Variants in PRKCH observed in about 807,000 individuals in gnomAD.
PRKCH encodes protein kinase C eta type.
In PRKCH, 28 loss-of-function variants were observed where a neutral mutation model predicts 82.5. That is an observed-to-expected ratio of 0.34 (90% CI 0.25 to 0.47). PRKCH has a LOEUF of 0.47. PRKCH is among the 20% of genes least tolerant of loss of function. The pLI is 1.00. For synonymous variants in PRKCH, 322 were observed against 327.4 expected (o/e 0.98, Z 0.18); for missense variants, 705 against 881.8 (o/e 0.80, Z 2.54).
chr14:61,409,275 C>T (rs146445336), intron 2 of PRKCH, among the ~76,000 whole-genome samples: 69 of 152,224 alleles, frequency 4.5e-4, no homozygotes, highest in African/African-American at 1.6e-3. Context: ...TTCTACTCTC[C>T]AGGATAGCAT....
chr14:61,419,096 A>G (rs1173618902), intron 2 of PRKCH, among the ~76,000 whole-genome samples: 1 of 152,178 alleles, frequency 6.6e-6, no homozygotes, highest in East Asian at 1.9e-4. Flanking sequence ...CCTGTGTTTA[A>G]TAGAAATAAA....
Position 61,473,513 on chromosome 14 carries a change from A to AT in PRKCH, c.1279-11988dup, listed in dbSNP as rs1885595956. 2.0e-5 allele frequency among the ~76,000 whole-genome samples: 3 copies of AT among 152,218 alleles called. No individual in the cohort carries two copies. The South Asian group carries it at 6.2e-4, about 32-fold the overall frequency. On this transcript the variant is annotated intron_variant, in intron 9 of 13. Transcript: ENST00000332981. ...TCAAGGAAACACTAAAGAAGTAGAC[A>AT]TGATAGGACTTTTTAAGTGGGAATG...
At chr14:61,547,935 A>G (rs1385766945) in intron 13 of PRKCH, 49 bp downstream of exon 13, 1 of 1,593,556 alleles carries the variant, frequency 6.3e-7, no homozygotes. Flanking sequence ...CAGATGTCAC[A>G]GCATTCCACC....
chr14:61,450,543 G>A (rs1884456824), intron 5 of PRKCH, among the ~76,000 whole-genome samples: 2 of 152,180 alleles, frequency 1.3e-5, no homozygotes, highest in South Asian at 4.1e-4. Flanking sequence ...TAGGGGATTG[G>A]CAAGGAGAGA....
At chr14:61,208,376 A>G (rs1037753955) in intron 1 of PRKCH, among the ~76,000 whole-genome samples, 5 of 152,200 alleles carry the variant, frequency 3.3e-5, no homozygotes, top group African/African-American at 1.2e-4. Flanking sequence ...CTTCACATTC[A>G]GTCAGTTCTC....
At chr14:61,269,025 A>G (rs906426264) in intron 1 of PRKCH, among the ~76,000 whole-genome samples, 1 of 152,226 alleles carries the variant, frequency 6.6e-6, no homozygotes, top group Non-Finnish European at 1.5e-5. Context: ...CTATTTGGCA[A>G]AGACATTTGG....
intron 9 of PRKCH, among the ~76,000 whole-genome samples, chr14:61,480,121 G>A (rs781203324): frequency 9.2e-5 from 14 of 152,232 alleles, no homozygotes; most frequent in Non-Finnish European, 1.6e-4. Context: ...CTGTACAGAT[G>A]TGCAGGCTCA....
At chr14:61,518,349 A>C (rs780786283) in intron 10 of PRKCH, among the ~76,000 whole-genome samples, 31 of 152,026 alleles carry the variant, frequency 2.0e-4, no homozygotes, top group Non-Finnish European at 2.5e-4. Context: ...TAAAAGTACT[A>C]TCAGGAGCTG....
At chr14:61,378,034 C>G (rs1457012480) in intron 1 of PRKCH, among the ~76,000 whole-genome samples, 1 of 152,166 alleles carries the variant, frequency 6.6e-6, no homozygotes, top group East Asian at 1.9e-4. Flanking sequence ...TCCAATGACA[C>G]TGATCAAGTG....
At chr14:61,392,798 T>G (rs772819413) in intron 2 of PRKCH, among the ~76,000 whole-genome samples, 1 of 151,994 alleles carries the variant, frequency 6.6e-6, no homozygotes, top group Non-Finnish European at 1.5e-5. Context: ...TCTTCAGAGA[T>G]CTCTCTGTCA....
chr14:61,502,070 TTTTTTTTTTTTTC>T (rs762415187), intron 10 of PRKCH, among the ~76,000 whole-genome samples: 1,429 of 141,748 alleles, frequency 0.01, 30 homozygotes, highest in Middle Eastern at 0.028. Flanking sequence ...CTTTTCTTTT[TTTTTTTTTTTTTC>T]CGAGATGGAG....
chr14:61,259,475 G>A (rs772705653), intron 1 of PRKCH, among the ~76,000 whole-genome samples: 2 of 152,268 alleles, frequency 1.3e-5, no homozygotes, highest in African/African-American at 2.4e-5. Context: ...TCTCAAACCC[G>A]GCTGCACGTA....
chr14:61,422,330 C>T (rs1451641851), intron 2 of PRKCH, among the ~76,000 whole-genome samples: 2 of 152,168 alleles, frequency 1.3e-5, no homozygotes, highest in African/African-American at 4.8e-5. Context: ...AGCGATCCTC[C>T]CCTCCTGCCA....
At chr14:61,435,570 G>T (rs142093140) in intron 2 of PRKCH, among the ~76,000 whole-genome samples, 30 of 152,316 alleles carry the variant, frequency 2.0e-4, no homozygotes, top group African/African-American at 7.0e-4. Flanking sequence ...GCCAGGCACA[G>T]TGGTATGCAC....
intron 2 of PRKCH, among the ~76,000 whole-genome samples, chr14:61,392,268 A>G (rs865935005): frequency 1.3e-5 from 2 of 152,274 alleles, no homozygotes; most frequent in South Asian, 4.1e-4. Flanking sequence ...TTTATCTTGG[A>G]TAATTATATA....
chr14:61,409,560 G>A (rs535163227), intron 2 of PRKCH, among the ~76,000 whole-genome samples: 14 of 151,870 alleles, frequency 9.2e-5, no homozygotes, highest in African/African-American at 3.4e-4. Flanking sequence ...AAAAATCCAG[G>A]CATGGTGGTG....
chr14:61,396,402 A>C (rs944809121), intron 2 of PRKCH, among the ~76,000 whole-genome samples: 5 of 152,218 alleles, frequency 3.3e-5, no homozygotes, highest in African/African-American at 1.2e-4. Context: ...CATGATTGAG[A>C]AGTGACATAA....
chr14:61,210,856 A>T (rs2044573280), intron 1 of PRKCH, among the ~76,000 whole-genome samples: 1 of 151,780 alleles, frequency 6.6e-6, no homozygotes, highest in South Asian at 2.1e-4. Context: ...TGAATTAGAG[A>T]AGCAGAAGCA....
At chr14:61,309,159 T>C (rs2045503649) in intron 1 of PRKCH, among the ~76,000 whole-genome samples, 1 of 151,906 alleles carries the variant, frequency 6.6e-6, no homozygotes, top group South Asian at 2.1e-4. Flanking sequence ...GGCACAAGCC[T>C]GTAGTTTCAG....
Sources: allele counts gnomAD v4.1 joint callset (sites outside exome capture counted in the v4.1 genomes callset), GRCh38; gene constraint gnomAD v4.1.1; transcripts MANE v1.5; gene names NCBI Gene and HGNC (gene_info 2026-07-23, HGNC 2026-07-21).